The following PTPN5 variants were observed in gnomAD, a reference collection of about 807,000 sequenced individuals.
PTPN5 encodes the protein tyrosine-protein phosphatase non-receptor type 5.
A neutral mutation model predicts 73.9 loss-of-function variants in PTPN5; 29 were observed. The observed-to-expected ratio is 0.39, with a 90% confidence interval of 0.29 to 0.54. The LOEUF is 0.54. Among genes scored for constraint, PTPN5 ranks in the 20% least tolerant of loss-of-function variants. The pLI, the probability that PTPN5 is intolerant of heterozygous loss-of-function variation, is 0.65. For synonymous variants in PTPN5, 267 were observed against 304.7 expected, an observed-to-expected ratio of 0.88 and a Z score of 1.29; for missense variants, 652 against 751.4, an observed-to-expected ratio of 0.87 and a Z score of 1.55.
chr11:18,746,529 C>G (rs1849649573), intron 3 of PTPN5, among the ~76,000 whole-genome samples: 1 of 152,048 alleles, frequency 6.6e-6, no homozygotes, highest in Admixed American at 6.5e-5. Context: ...GACGAAACAC[C>G]TAGCATAGTG....
rs1443434860 is a variant in PTPN5, at chr11:18,732,706, C to T, written c.1219-4G>A. ...CCGGCCAATACTCGGTGCATTTCTG[C>T]AGGGGCCCAGATCAGGCTGCCATAC... On this transcript the variant is annotated splice_polypyrimidine_tract_variant and splice_region_variant and intron_variant, in intron 11 of 14. Coordinates refer to ENST00000358540, the MANE Select transcript of PTPN5 (RefSeq NM_006906.2). 5 of 1,611,894 alleles carry T rather than the reference C, an allele frequency of 3.1e-6. No homozygotes were observed. The highest frequency in any genetic ancestry group is 4.2e-6 in the Non-Finnish European group (5 of 1,178,518).
intron 1 of PTPN5, 97 bp from the exon 2 acceptor site, chr11:18,772,168 C>T (rs978305040): frequency 3.7e-6 from 2 of 534,324 alleles, no homozygotes; most frequent in Non-Finnish European, 6.4e-6. Context: ...TGATTTCCTT[C>T]TGGGAGTCAC....
rs760045583 is a variant in PTPN5, at chr11:18,737,962, T to A, written c.918A>T (p.Glu306Asp). 1.2e-6 allele frequency: 2 copies of A among 1,614,056 alleles called. No homozygotes were observed. Among genetic ancestry groups the A allele is most frequent in the East Asian group, 4.5e-5 (2 of 44,884 alleles). ...DPFLLQAEFF[E>D]IPMNFVDPKE... ...TCGGATCCACAAAGTTCATGGGGAT[T>A]TCCTGTGGAAGGAGGACACGGGGTG... The change falls in exon 9 of 15, where the codon GAA (glutamate) becomes GAT (aspartate). Residue 306 changes from glutamate to aspartate, a missense_variant and splice_region_variant. Coordinates refer to ENST00000358540, the MANE Select transcript of PTPN5 (RefSeq NM_006906.2).
chr11:18,738,072 C>T (rs1213566988), intron 8 of PTPN5, 108 bp from the exon 9 acceptor site: 26 of 808,924 alleles, frequency 3.2e-5, no homozygotes, highest in East Asian at 7.7e-5. Context: ...CTTGAGTGCA[C>T]GCATTCATTC....
rs1238233909 is a variant in PTPN5 at position 18,743,444 on chromosome 11, A to G, written c.292-15T>C. On this transcript the variant is annotated splice_polypyrimidine_tract_variant and intron_variant, in intron 4 of 14. Coordinates refer to ENST00000358540, the MANE Select transcript of PTPN5 (RefSeq NM_006906.2). The stretch of plus-strand genomic sequence containing the variant: ...CCACAGGCAAGCTGGGGCACAGGGG[A>G]GCAGGCTGAGTATGGAGCCGGCCCC... 2 of 1,610,806 alleles carry G rather than the reference A, an allele frequency of 1.2e-6. No individual in the cohort carries two copies. The highest frequency in any genetic ancestry group is 1.7e-6 in the Non-Finnish European group (2 of 1,177,040).
chr11:18,771,946 C>T lies in PTPN5; in HGVS notation c.13G>A (p.Gly5Arg), dbSNP rs724159936. The change falls in exon 2 of 15, where the codon GGA becomes AGA. Residue 5 changes from glycine to arginine, a missense_variant. Coordinates refer to ENST00000358540, the MANE Select transcript of PTPN5 (RefSeq NM_006906.2). ...GCGTAAACGCTCACTCACCTGGCTC[C>T]CTCATAATTCATTCCCAAGGTGTCT... MNYE[G>R]ARSERENHAA... 1 of 1,585,100 alleles carries T rather than the reference C, an allele frequency of 6.3e-7. No individual in the cohort carries two copies. Among genetic ancestry groups the T allele is most frequent in the East Asian group, 2.3e-5 (1 of 42,614 alleles).
At chr11:18,732,567 C>T (rs1392621435) in intron 12 of PTPN5, 25 bp downstream of exon 12, 1 of 1,582,792 alleles carries the variant, frequency 6.3e-7, no homozygotes, top group Non-Finnish European at 8.7e-7. Flanking sequence ...TCCTCAGCTT[C>T]ACCCAGCCCT....
At position 18,728,786 on chromosome 11, in the gene PTPN5, T is replaced by G; in HGVS notation, c.*148A>C. 1 of 655,374 alleles carries G rather than the reference T, an allele frequency of 1.5e-6. No homozygotes were observed. The highest frequency in any genetic ancestry group is 2.5e-6 in the Non-Finnish European group (1 of 392,182). 40.6% of individuals were successfully genotyped at this position (655,374 alleles called of 1,614,324 possible). A position where few individuals can be genotyped will look rare whatever the true frequency, so the allele number is the denominator to read the frequency against. On this transcript the variant is annotated 3_prime_UTR_variant, in exon 15 of 15. Transcript: ENST00000358540. This position sits in a 1 kb window ranked among gnomAD's most constrained non-coding sequence, Gnocchi z 4.1. ...CAGTAGGAAGAGCAATGCTGGAGGGTAGGGGTCAGGCCAGGCTGACAGAGG... is the reference window on the plus strand; with the variant it reads ...CAGTAGGAAGAGCAATGCTGGAGGGGAGGGGTCAGGCCAGGCTGACAGAGG...
Position 18,743,322 on chromosome 11 carries a change from C to T in PTPN5, c.399G>A (p.Thr133=), listed in dbSNP as rs765465579. 75 of 1,613,920 alleles carry T rather than the reference C, an allele frequency of 4.6e-5. No individual in the cohort carries two copies. Among genetic ancestry groups the T allele is most frequent in the South Asian group, 3.6e-4 (33 of 91,076 alleles). The change falls in exon 5 of 15, where the codon ACG becomes ACA. Residue 133 remains threonine, a splice_region_variant and synonymous_variant. Coordinates refer to ENST00000358540, the MANE Select transcript of PTPN5 (RefSeq NM_006906.2). ...LLTLLKQLEP[T]AWLDSGTWGV... Reference sequence around the variant, plus strand: ...CTAGGACTCCCCAAAGCTTACTTACCGTGGGTTCCAGCTGTTTCAGGAGCG... The same window carrying T: ...CTAGGACTCCCCAAAGCTTACTTACTGTGGGTTCCAGCTGTTTCAGGAGCG...
At chr11:18,736,200 C>G (rs564321029) in intron 9 of PTPN5, among the ~76,000 whole-genome samples, 1 of 152,240 alleles carries the variant, frequency 6.6e-6, no homozygotes, top group Admixed American at 6.5e-5. Flanking sequence ...CTTTGGGAGG[C>G]CGAAGCAGGC....
At chr11:18,776,964 C>T (rs1851186062) in intron 1 of PTPN5, among the ~76,000 whole-genome samples, 1 of 152,156 alleles carries the variant, frequency 6.6e-6, no homozygotes, top group Admixed American at 6.5e-5. Flanking sequence ...AAGTTTGAGA[C>T]CAGCCTGACT....
At position 18,743,398 on chromosome 11, in the gene PTPN5, T is replaced by A. The variant is rs759818043; in HGVS notation, c.323A>T (p.Tyr108Phe). 5.6e-6 allele frequency: 9 copies of A among 1,613,948 alleles called. No individual in the cohort carries two copies. The East Asian group carries it at 1.8e-4, about 32-fold the overall frequency. Residue 108 changes from tyrosine (Y) to phenylalanine (F), a missense_variant, in exon 5 of 15, where the codon TAT (tyrosine) becomes TTT (phenylalanine). By Grantham distance (22) the Tyr-to-Phe change is conservative. Around this residue, in one of 3 missense-constraint regions of PTPN5, gnomAD observed 529 missense variants for 573.9 expected, o/e 0.92. Coordinates refer to ENST00000358540, the MANE Select transcript of PTPN5 (RefSeq NM_006906.2). ...LACGVLWFSG[Y>F]GHIWSQNATN... ...GGCGTTCTGTGACCAGATGTGGCCA[T>A]AACCGCTGAACCAGAGCACCCCACA...
At chr11:18,756,994 A>G (rs1850185701) in intron 3 of PTPN5, among the ~76,000 whole-genome samples, 1 of 151,832 alleles carries the variant, frequency 6.6e-6, no homozygotes, top group Non-Finnish European at 1.5e-5. Context: ...AAACATCCCC[A>G]CCTGTCCCAC....
At chr11:18,762,142 G>C (rs952166469) in intron 3 of PTPN5, among the ~76,000 whole-genome samples, 2 of 152,114 alleles carry the variant, frequency 1.3e-5, no homozygotes, top group African/African-American at 2.4e-5. Flanking sequence ...AGCTCTGATG[G>C]GACTGTATGA....
At chr11:18,753,868 G>A (rs1234379230) in intron 3 of PTPN5, among the ~76,000 whole-genome samples, 5 of 152,274 alleles carry the variant, frequency 3.3e-5, no homozygotes, top group East Asian at 1.9e-4. Context: ...CCATGGCACC[G>A]TGGGGGAACT....
At chr11:18,765,157 GAAC>G (rs1850585219) in intron 3 of PTPN5, among the ~76,000 whole-genome samples, 1 of 152,020 alleles carries the variant, frequency 6.6e-6, no homozygotes, top group Non-Finnish European at 1.5e-5. Context: ...AGAAGGAAAA[GAAC>G]AATAAAAACT....
At chr11:18,738,108 T>C in intron 8 of PTPN5, 144 bp from the exon 9 acceptor site, 1 of 691,108 alleles carries the variant, frequency 1.4e-6, no homozygotes. Flanking sequence ...TTAAGAGAGT[T>C]AGTGCTCACG....
At chr11:18,773,224 A>T (rs1474860331) in intron 1 of PTPN5, among the ~76,000 whole-genome samples, 1 of 151,440 alleles carries the variant, frequency 6.6e-6, no homozygotes, top group Non-Finnish European at 1.5e-5. Flanking sequence ...GCTTGGCTGC[A>T]GGACCAAAGG....
intron 1 of PTPN5, among the ~76,000 whole-genome samples, chr11:18,783,145 A>AC (rs1851519058): frequency 6.6e-6 from 1 of 152,334 alleles, no homozygotes; most frequent in East Asian, 1.9e-4. Context: ...CCTCTGAGGT[A>AC]CCTCAGATGC....
Sources: allele counts gnomAD v4.1 joint callset (sites outside exome capture counted in the v4.1 genomes callset), GRCh38; gene constraint gnomAD v4.1.1; regional missense constraint gnomAD v4.1.1; non-coding constraint Gnocchi (gnomAD v3.1); transcripts MANE v1.5; gene names NCBI Gene and HGNC (gene_info 2026-07-23, HGNC 2026-07-21).